The following MAPT variants were observed in gnomAD, a reference collection of about 807,000 sequenced individuals.
MAPT encodes microtubule associated protein tau.
MAPT carries 34 observed loss-of-function variants against 67.9 expected under a neutral mutation model. That is an observed-to-expected ratio of 0.50 (90% CI 0.38 to 0.67). MAPT has a LOEUF of 0.67. MAPT is among the 30% of genes least tolerant of loss of function. MAPT has a pLI of 0.00. For synonymous variants in MAPT, 456 were observed against 464.5 expected, an observed-to-expected ratio of 0.98 and a Z score of 0.23; for missense variants, 881 against 1,115.2, an observed-to-expected ratio of 0.79 and a Z score of 2.99.
intron 1 of MAPT, among the ~76,000 whole-genome samples, chr17:45,931,004 T>C (rs181464352): frequency 1.3e-5 from 2 of 152,340 alleles, no homozygotes; most frequent in Non-Finnish European, 2.9e-5. Context: ...TTCGTATTAT[T>C]GAGCTTCACA....
At chr17:46,004,778 G>A (rs1332643562) in intron 9 of MAPT, among the ~76,000 whole-genome samples, 1 of 152,020 alleles carries the variant, frequency 6.6e-6, no homozygotes, top group East Asian at 1.9e-4. Context: ...TTTCTTTTTT[G>A]TTTTTTTGTT....
intron 5 of MAPT, among the ~76,000 whole-genome samples, chr17:45,986,612 T>G (rs566443731): frequency 6.6e-6 from 1 of 152,280 alleles, no homozygotes; most frequent in East Asian, 1.9e-4. Context: ...GCTACCAACA[T>G]CCATGGCCCT....
chr17:45,936,522 A>T (rs796569308), intron 1 of MAPT, among the ~76,000 whole-genome samples: 6 of 152,336 alleles, frequency 3.9e-5, no homozygotes, highest in African/African-American at 1.4e-4. Flanking sequence ...TACACAGTGG[A>T]CATGTCTGAA....
chr17:45,978,349 C>T (rs750675551), intron 3 of MAPT, 26 bp from the exon 4 acceptor site: 76 of 1,588,338 alleles, frequency 4.8e-5, no homozygotes, highest in Non-Finnish European at 6.5e-5. Context: ...CTTTTACCCC[C>T]CTTCATTTGC....
intron 4 of MAPT, 48 bp from the exon 5 acceptor site, chr17:45,982,817 AT>A: frequency 5.5e-6 from 6 of 1,085,862 alleles, no homozygotes; most frequent in Non-Finnish European, 6.9e-6. Context: ...CTCTTAAGCG[AT>A]TAATGCGCCC....
At chr17:45,985,781 A>G (rs2073479155) in intron 5 of MAPT, 1 of 953,832 alleles carries the variant, frequency 1.0e-6, no homozygotes, top group African/African-American at 1.8e-5. Flanking sequence ...ACTAAAGTGC[A>G]GGTTCCCAGG....
chr17:46,018,870 G>T, intron 12 of MAPT, 140 bp downstream of exon 12: 1 of 674,394 alleles, frequency 1.5e-6, no homozygotes, highest in East Asian at 2.7e-5. Flanking sequence ...GCCCTCAGCA[G>T]CATCCAGTGG....
intron 9 of MAPT, chr17:45,999,419 C>A: frequency 1.9e-6 from 3 of 1,614,062 alleles, no homozygotes; most frequent in Non-Finnish European, 2.5e-6. Context: ...AGAGACAGAA[C>A]CCTCAGCTTA....
Position 46,010,326 on chromosome 17 carries a change from A to T in MAPT, c.2015A>T (p.Lys672Met). 6.3e-7 allele frequency: 1 copy of T among 1,575,192 alleles called. No individual in the cohort carries two copies. The highest frequency in any genetic ancestry group is 2.3e-5 in the East Asian group (1 of 43,714). ...PGGGKVQIIN[K>M]KLDLSNVQSK... ...CTACCAAAGGTGCAGATAATTAATA[A>T]GAAGCTGGATCTTAGCAACGTCCAG... Residue 672 changes from lysine (K) to methionine (M), a missense_variant, in exon 10 of 13, where the codon AAG (lysine) becomes ATG (methionine). Around this residue, in one of 6 missense-constraint regions of MAPT, gnomAD observed 34 missense variants for 51.2 expected, o/e 0.66. Transcript: ENST00000262410. The surrounding 1 kb of genome is among the most constrained non-coding windows in gnomAD (Gnocchi z 4.7).
intron 3 of MAPT, chr17:45,974,443 C>G: frequency 3.1e-6 from 5 of 1,609,226 alleles, no homozygotes; most frequent in Non-Finnish European, 4.2e-6. Flanking sequence ...CCGCGCAGCC[C>G]CACACGGAGA....
chr17:46,004,985 C>T (rs997139194), intron 9 of MAPT, among the ~76,000 whole-genome samples: 8 of 152,232 alleles, frequency 5.3e-5, no homozygotes, highest in East Asian at 1.9e-4. Context: ...GGGGTTTCAC[C>T]GTGTTAGCCA....
intron 1 of MAPT, among the ~76,000 whole-genome samples, chr17:45,923,995 A>G (rs1479304400): frequency 8.5e-5 from 13 of 152,226 alleles, no homozygotes; most frequent in Admixed American, 8.5e-4. Flanking sequence ...TGCAAGTAGT[A>G]AGTGCTATGT....
chr17:45,904,665 C>G (rs1054232842), intron 1 of MAPT, among the ~76,000 whole-genome samples: 6 of 150,466 alleles, frequency 4.0e-5, no homozygotes, highest in African/African-American at 1.5e-4. Context: ...GCACTCCAGC[C>G]TGGGTAACAC....
chr17:45,982,510 G>A (rs1478766653), intron 4 of MAPT, among the ~76,000 whole-genome samples: 4 of 152,038 alleles, frequency 2.6e-5, no homozygotes, highest in Admixed American at 2.6e-4. Flanking sequence ...AGCCCAGGGC[G>A]GCTCCAGATG....
chr17:45,997,025 T>C (rs2074541595), intron 9 of MAPT, among the ~76,000 whole-genome samples: 1 of 152,170 alleles, frequency 6.6e-6, no homozygotes, highest in Non-Finnish European at 1.5e-5. Flanking sequence ...CCCACAGCGG[T>C]TCCCCACCTG....
In MAPT at chr17:46,014,335, G is replaced by A. The variant is rs748970654; in HGVS notation, c.2173+11G>A. The A allele has an allele frequency of 3.7e-6, 6 of 1,607,420 alleles. No individual in the cohort carries two copies. Among genetic ancestry groups the A allele is most frequent in the African/African-American group, 1.3e-5 (1 of 74,908 alleles). On this transcript the variant is annotated intron_variant, in intron 11 of 12. Transcript: ENST00000262410. ...TCCATCATAAACCAGGTAGCCCTGT[G>A]GAAGGTGAGGGTTGGGACGGGAGGG...
chr17:45,982,355 G>C (rs2073063066), intron 4 of MAPT, among the ~76,000 whole-genome samples: 1 of 126,672 alleles, frequency 7.9e-6, no homozygotes, highest in African/African-American at 2.9e-5. Flanking sequence ...GCGGGGGCAG[G>C]AGAACAGTGA....
chr17:45,968,851 G>T (rs1246853169), intron 2 of MAPT, among the ~76,000 whole-genome samples: 1 of 152,198 alleles, frequency 6.6e-6, no homozygotes, highest in Non-Finnish European at 1.5e-5. Flanking sequence ...CATCTGCCAG[G>T]CATGGTACAA....
At chr17:45,955,545 C>G (rs1333963812) in intron 1 of MAPT, among the ~76,000 whole-genome samples, 1 of 152,134 alleles carries the variant, frequency 6.6e-6, no homozygotes, top group Non-Finnish European at 1.5e-5. Context: ...GCCAGCGTGT[C>G]CAGTGGTTTA....
Sources: allele counts gnomAD v4.1 joint callset (sites outside exome capture counted in the v4.1 genomes callset), GRCh38; gene constraint gnomAD v4.1.1; regional missense constraint gnomAD v4.1.1; non-coding constraint Gnocchi (gnomAD v3.1); transcripts MANE v1.5; gene names NCBI Gene and HGNC (gene_info 2026-07-23, HGNC 2026-07-21).